Variants in ACOT11 observed in about 807,000 individuals in gnomAD.
The protein encoded by ACOT11 is acyl-CoA thioesterase 11.
In ACOT11, 69 loss-of-function variants were observed where a neutral mutation model predicts 77.5. The ratio of observed to expected loss-of-function variants is 0.89; its 90% CI spans 0.73 to 1.09. The LOEUF (loss-of-function observed/expected upper bound fraction) is 1.09. Ranked by LOEUF, ACOT11 falls within the 50% of genes least tolerant of loss-of-function variation. The pLI, the probability that ACOT11 is intolerant of heterozygous loss-of-function variation, is 0.00. For missense variants in ACOT11, 766 were observed against 813.7 expected (o/e 0.94, Z 0.71); for synonymous variants, 279 against 313.0 (o/e 0.89, Z 1.15).
At chr1:54,627,211 A>G (rs1270863411) in intron 15 of ACOT11, among the ~76,000 whole-genome samples, 1 of 134,588 alleles carries the variant, frequency 7.4e-6, no homozygotes, top group Non-Finnish European at 1.7e-5. Context: ...GTCAGTTTGC[A>G]GCAGAAAGGG....
chr1:54,597,392 G>T lies in ACOT11; in HGVS notation c.741G>T (p.Glu247Asp). The T allele has an allele frequency of 3.1e-6, 5 of 1,613,312 alleles. No homozygotes were observed. Among genetic ancestry groups the T allele is most frequent in the Non-Finnish European group, 4.2e-6 (5 of 1,179,742 alleles). Residue 247 changes from glutamate (E) to aspartate (D), a missense_variant, in exon 7 of 16, where the codon GAG (glutamate) becomes GAT (aspartate). Coordinates refer to ENST00000343744, the MANE Select transcript of ACOT11 (RefSeq NM_147161.4). ...TFGGQIMAWM[E>D]NVATIAASRL... ...GGGGCCAGATCATGGCCTGGATGGAGAATGTGGCCACCATTGCAGCCAGGT... is the reference window on the plus strand; with the variant it reads ...GGGGCCAGATCATGGCCTGGATGGATAATGTGGCCACCATTGCAGCCAGGT...
intron 15 of ACOT11, among the ~76,000 whole-genome samples, chr1:54,624,722 C>T (rs560108001): frequency 5.3e-5 from 8 of 152,138 alleles, no homozygotes; most frequent in Admixed American, 4.6e-4. Flanking sequence ...GCAAGGCCCC[C>T]GATGCTGGCC....
chr1:54,612,827 G>A, downstream of ACOT11: 1 of 728,996 alleles, frequency 1.4e-6, no homozygotes, highest in South Asian at 1.8e-5. Flanking sequence ...GATAAGGTCA[G>A]AAGCAGAGTC....
rs569253666 is a variant in ACOT11, at chr1:54,601,643, C to T, written c.1029+230C>T. On this transcript the variant is annotated intron_variant, in intron 9 of 15. Transcript: ENST00000343744. The stretch of plus-strand genomic sequence containing the variant: ...ACTCGGAGTATGTGTGGGTCTGGCT[C>T]GGAGTTGGGGGTTAATGGGCTGTCA... 3.9e-5 allele frequency among the ~76,000 whole-genome samples: 6 copies of T among 152,228 alleles called. No individual in the cohort carries two copies. The South Asian group carries it at 1.0e-3, about 26-fold the overall frequency.
At chr1:54,574,678 C>T (rs1003690381) in intron 1 of ACOT11, among the ~76,000 whole-genome samples, 2 of 152,174 alleles carry the variant, frequency 1.3e-5, no homozygotes, top group Non-Finnish European at 2.9e-5. Flanking sequence ...CCATCATCCC[C>T]ACCCCGCTCC....
chr1:54,631,079 C>T (rs1235564728), intron 16 of ACOT11, among the ~76,000 whole-genome samples: 3 of 152,148 alleles, frequency 2.0e-5, no homozygotes, highest in Admixed American at 2.0e-4. Flanking sequence ...GAGTTTCATC[C>T]CTACCCTTCT....
intron 1 of ACOT11, among the ~76,000 whole-genome samples, chr1:54,562,037 A>G (rs1323217924): frequency 2.1e-4 from 8 of 38,958 alleles, no homozygotes; most frequent in Admixed American, 4.4e-4. Flanking sequence ...GGCCGGGCGG[A>G]GGGCTGACCC....
At chr1:54,568,262 T>C (rs1354763691) in intron 1 of ACOT11, among the ~76,000 whole-genome samples, 1 of 152,150 alleles carries the variant, frequency 6.6e-6, no homozygotes, top group East Asian at 1.9e-4. Context: ...TCCCGTTTTT[T>C]CTTTCTCATA....
intron 1 of ACOT11, among the ~76,000 whole-genome samples, chr1:54,553,646 GAATAC>G (rs1350044356): frequency 1.3e-5 from 2 of 151,974 alleles, no homozygotes; most frequent in Non-Finnish European, 2.9e-5. Context: ...CATTTTTCAA[GAATAC>G]AATATATTGT....
exon 17 of ACOT11, chr1:54,638,689 T>C (rs1644344280): frequency 6.6e-6 from 1 of 151,890 alleles, no homozygotes; most frequent in Admixed American, 6.6e-5. Flanking sequence ...TTTTGGAGGT[T>C]TTATTTGTTT....
At chr1:54,582,613 G>A in intron 1 of ACOT11, 1 of 756,844 alleles carries the variant, frequency 1.3e-6, no homozygotes, top group Non-Finnish European at 1.6e-6. Flanking sequence ...AGCAGAGAGA[G>A]GACCAGAGCT....
chr1:54,613,610 C>A (rs1241798643), downstream of ACOT11, among the ~76,000 whole-genome samples: 11 of 152,054 alleles, frequency 7.2e-5, no homozygotes, highest in Non-Finnish European at 1.6e-4. Context: ...TGAACTTTGC[C>A]TTGATGAAAA....
chr1:54,633,032 C>A (rs1312179571), intron 16 of ACOT11, among the ~76,000 whole-genome samples: 1 of 152,120 alleles, frequency 6.6e-6, no homozygotes, highest in Non-Finnish European at 1.5e-5. Flanking sequence ...TGGGGTATGT[C>A]CCTGGTATGG....
At chr1:54,559,086 ATGCCTGGGTTTG>A (rs1352990752) in intron 1 of ACOT11, among the ~76,000 whole-genome samples, 1 of 152,174 alleles carries the variant, frequency 6.6e-6, no homozygotes, top group African/African-American at 2.4e-5. Context: ...GTGAGGTGAC[ATGCCTGGGTTTG>A]CACACCTGGC....
rs187538465 is a variant in ACOT11 at position 54,607,974 on chromosome 1, C to T, written c.1535C>T (p.Thr512Met). 5.1e-5 allele frequency: 83 copies of T among 1,613,848 alleles called. No homozygotes were observed. The Middle Eastern group carries it at 1.3e-3, about 26-fold the overall frequency. Reference protein sequence around the residue: ...DPYVIALRSVTLPTHRETPEY... With the variant: ...DPYVIALRSVMLPTHRETPEY... The stretch of plus-strand genomic sequence containing the variant: ...TATGTCATCGCGCTGAGGTCGGTCA[C>T]GCTGCCCACACACCGAGAGACGCCA... The change falls in exon 15 of 16, where the codon ACG (threonine) becomes ATG (methionine). Residue 512 changes from threonine to methionine, a missense_variant. Physicochemically the swap from Thr to Met is moderately conservative, Grantham distance 81. Transcript: ENST00000343744. The surrounding 1 kb of genome is among the most constrained non-coding windows in gnomAD (Gnocchi z 4.5).
At position 54,555,711 on chromosome 1, in the gene ACOT11, C is replaced by T. The variant is rs150559779; in HGVS notation, c.33+7369C>T. Among the ~76,000 whole-genome samples the T allele has an allele frequency of 4.9e-4, 75 of 151,930 alleles. No individual in the cohort carries two copies. In the East Asian group the frequency reaches 0.013, roughly 26 times the overall value. ...TCTAGTAATTTTGTAGTTTGGGGGTCGTACATTTAAGTCTTTAACTCATTT... is the reference window on the plus strand; with the variant it reads ...TCTAGTAATTTTGTAGTTTGGGGGTTGTACATTTAAGTCTTTAACTCATTT... On this transcript the variant is annotated intron_variant, in intron 1 of 15. Coordinates refer to ENST00000343744, the MANE Select transcript of ACOT11 (RefSeq NM_147161.4).
chr1:54,620,147 C>T, intron 15 of ACOT11: 1 of 887,986 alleles, frequency 1.1e-6, no homozygotes, highest in South Asian at 1.8e-5. Context: ...CTCAGACTCA[C>T]TGGTGCTACA....
downstream of ACOT11, chr1:54,611,733 C>T (rs569041271): frequency 5.0e-6 from 8 of 1,613,962 alleles, no homozygotes; most frequent in Non-Finnish European, 6.8e-6. Context: ...CCTGCCACAG[C>T]GTCAGGCTGT....
intron 7 of ACOT11, 84 bp downstream of exon 7, chr1:54,597,499 A>G (rs1465325197): frequency 2.0e-6 from 3 of 1,468,072 alleles, no homozygotes; most frequent in Non-Finnish European, 2.7e-6. Context: ...GGGAAACCCC[A>G]GCTTGGGGTT....
Sources: gnomAD v4.1 joint callset for allele counts (sites outside exome capture counted in the v4.1 genomes callset) on GRCh38, gnomAD v4.1.1 for gene constraint, Gnocchi (gnomAD v3.1) non-coding constraint, MANE v1.5 for transcripts, NCBI Gene and HGNC (gene_info 2026-07-23, HGNC 2026-07-21) for gene names.